Variants in SPAG16 observed in about 807,000 individuals in gnomAD.
The protein encoded by SPAG16 is sperm associated antigen 16.
Under a neutral mutation model 80.4 loss-of-function variants are expected in SPAG16, and 86 were observed. The observed-to-expected ratio is 1.07, with a 90% CI of 0.90 to 1.28. The LOEUF (loss-of-function observed/expected upper bound fraction) is 1.28. Among genes scored for constraint, SPAG16 ranks in the 50% most tolerant of loss-of-function variants. The probability of loss-of-function intolerance (pLI) is 0.00; values close to 1 mark genes in which losing one functional copy is unlikely to be tolerated. For missense variants in SPAG16, 870 were observed against 765.3 expected (o/e 1.14, Z -1.61); for synonymous variants, 294 against 265.9 (o/e 1.11, Z -1.03).
intron 11 of SPAG16, among the ~76,000 whole-genome samples, chr2:213,926,087 A>G (rs1386009003): frequency 6.6e-6 from 1 of 152,096 alleles, no homozygotes; most frequent in East Asian, 1.9e-4. Flanking sequence ...TGAATGTTAC[A>G]TCTATCTTTT....
chr2:214,284,985 T>C (rs1693246023), intron 15 of SPAG16, among the ~76,000 whole-genome samples: 1 of 152,212 alleles, frequency 6.6e-6, no homozygotes, highest in Non-Finnish European at 1.5e-5. Context: ...TCTTTGGATT[T>C]ATCCCCAAAA....
At chr2:213,346,869 G>A (rs1391811751) in intron 6 of SPAG16, among the ~76,000 whole-genome samples, 2 of 151,910 alleles carry the variant, frequency 1.3e-5, no homozygotes, top group Non-Finnish European at 2.9e-5. Context: ...TCTCTGCCAG[G>A]CTTTGGTATC....
At position 214,409,911 on chromosome 2, in the gene SPAG16, A is replaced by G. The variant is rs149026659; in HGVS notation, c.1721-229A>G. On this transcript the variant is annotated intron_variant, in intron 15 of 15. Coordinates refer to ENST00000331683, the MANE Select transcript of SPAG16 (RefSeq NM_024532.5). Reference sequence around the variant, plus strand: ...AATCTGCATATAAAGGAGGTAGACCATTAGGCTCTATGTCCCAATTAGAAA... The same window carrying G: ...AATCTGCATATAAAGGAGGTAGACCGTTAGGCTCTATGTCCCAATTAGAAA... Among the ~76,000 whole-genome samples the G allele has an allele frequency of 5.3e-3, 805 of 152,334 alleles. 8 individuals are homozygous for G. The highest frequency in any genetic ancestry group is 0.019 in the African/African-American group (776 of 41,584).
At chr2:214,086,856 G>C (rs1576128805) in intron 13 of SPAG16, among the ~76,000 whole-genome samples, 2 of 152,072 alleles carry the variant, frequency 1.3e-5, no homozygotes, top group Non-Finnish European at 2.9e-5. Flanking sequence ...TGTACTGTAT[G>C]AGAAAAAATA....
At chr2:214,294,883 T>G (rs984427088) in intron 15 of SPAG16, among the ~76,000 whole-genome samples, 1 of 152,230 alleles carries the variant, frequency 6.6e-6, no homozygotes, top group African/African-American at 2.4e-5. Context: ...ATTTGACTCT[T>G]TAGTATGTAG....
rs77016774 is a variant in SPAG16, at chr2:213,728,337, C to T, written c.1071-134148C>T. 5.7e-3 allele frequency among the ~76,000 whole-genome samples: 865 copies of T among 152,236 alleles called. 4 individuals carry two copies. Among genetic ancestry groups the T allele is most frequent in the Non-Finnish European group, 9.8e-3 (667 of 68,030 alleles). On this transcript the variant is annotated intron_variant, in intron 10 of 15. Transcript: ENST00000331683. Reference sequence around the variant, plus strand: ...GTGTCTACTGCCTCCTTCTACCTTTCTGCAGTCAGGGGAAGAGAAACGAAA... The same window carrying T: ...GTGTCTACTGCCTCCTTCTACCTTTTTGCAGTCAGGGGAAGAGAAACGAAA...
intron 15 of SPAG16, among the ~76,000 whole-genome samples, chr2:214,330,701 A>G (rs1696855324): frequency 6.6e-6 from 1 of 152,200 alleles, no homozygotes; most frequent in Non-Finnish European, 1.5e-5. Context: ...GGAAAGGGAC[A>G]AACTCTTGAG....
chr2:213,437,299 G>A (rs2070702840), intron 9 of SPAG16, among the ~76,000 whole-genome samples: 1 of 152,118 alleles, frequency 6.6e-6, no homozygotes, highest in Non-Finnish European at 1.5e-5. Flanking sequence ...GGGACCCTGG[G>A]AAAATTAATT....
At chr2:214,356,876 A>G (rs1698840825) in intron 15 of SPAG16, among the ~76,000 whole-genome samples, 1 of 151,936 alleles carries the variant, frequency 6.6e-6, no homozygotes, top group Admixed American at 6.6e-5. Context: ...TTCTTCTTCT[A>G]TCTCATACCT....
chr2:213,418,017 G>A (rs1559112749), intron 9 of SPAG16, among the ~76,000 whole-genome samples: 1 of 151,910 alleles, frequency 6.6e-6, no homozygotes, highest in Non-Finnish European at 1.5e-5. Context: ...GAAATTACAG[G>A]CATGCTCCAT....
chr2:214,070,073 T>C (rs1471432710), intron 13 of SPAG16, among the ~76,000 whole-genome samples: 1 of 148,170 alleles, frequency 6.7e-6, no homozygotes, highest in Non-Finnish European at 1.5e-5. Context: ...CATTTTCCTC[T>C]TGGGGAATTT....
chr2:214,282,795 C>A (rs2125916385), intron 15 of SPAG16, among the ~76,000 whole-genome samples: 1 of 152,216 alleles, frequency 6.6e-6, no homozygotes, highest in South Asian at 2.1e-4. Context: ...GTGCTGGAAC[C>A]AGATTTCAAG....
intron 15 of SPAG16, among the ~76,000 whole-genome samples, chr2:214,353,963 C>T (rs1346800648): frequency 6.6e-6 from 1 of 152,024 alleles, no homozygotes; most frequent in Non-Finnish European, 1.5e-5. Flanking sequence ...AGTCTCTTCC[C>T]ATTCATGCTC....
chr2:213,431,342 A>G (rs1301565132), intron 9 of SPAG16, among the ~76,000 whole-genome samples: 2 of 152,210 alleles, frequency 1.3e-5, no homozygotes, highest in Non-Finnish European at 2.9e-5. Context: ...CACTTAAAAG[A>G]TATAGATTGG....
chr2:213,627,502 T>C (rs2062001656), intron 10 of SPAG16, among the ~76,000 whole-genome samples: 1 of 152,234 alleles, frequency 6.6e-6, no homozygotes, highest in Admixed American at 6.5e-5. Context: ...TAAAATTTGC[T>C]TCACAAAATG....
chr2:213,469,570 GTTTTTTTTTTTTTT>G lies in SPAG16; in HGVS notation c.943-20380_943-20367del, dbSNP rs34005287. Reference sequence around the variant, plus strand: ...TTGCCTTCAGCAAGCACCTCAGCAGGTTTTTTTTTTTTTTTTTTTTTTTTTTCCTGGTGGAATGA... The same window carrying G: ...TTGCCTTCAGCAAGCACCTCAGCAGGTTTTTTTTTTTTCCTGGTGGAATGA... On this transcript the variant is annotated intron_variant, in intron 9 of 15. Transcript: ENST00000331683. Among the ~76,000 whole-genome samples, 5 of 79,270 alleles carry G rather than the reference GTTTTTTTTTTTTTT, an allele frequency of 6.3e-5. No individual in the cohort carries two copies. The South Asian group carries it at 1.8e-3, about 29-fold the overall frequency. 52.0% of individuals were successfully genotyped at this position (79,270 alleles called of 152,430 possible). A position where few individuals can be genotyped will look rare whatever the true frequency, so the allele number is the denominator to read the frequency against.
chr2:213,847,456 C>T (rs776511985), intron 10 of SPAG16, among the ~76,000 whole-genome samples: 79 of 151,988 alleles, frequency 5.2e-4, no homozygotes, highest in Admixed American at 1.4e-3. Flanking sequence ...AAAGCAAGAG[C>T]AAGAGAGAAA....
At chr2:213,508,722 A>T (rs1272270684) in intron 10 of SPAG16, among the ~76,000 whole-genome samples, 6 of 152,174 alleles carry the variant, frequency 3.9e-5, no homozygotes, top group Admixed American at 3.9e-4. Flanking sequence ...AACAATGAGA[A>T]CACATGGACA....
intron 10 of SPAG16, among the ~76,000 whole-genome samples, chr2:213,644,905 G>A (rs1356368993): frequency 6.6e-6 from 1 of 152,164 alleles, no homozygotes; most frequent in Non-Finnish European, 1.5e-5. Flanking sequence ...ACTCAGCAGG[G>A]GGCAAAACCA....
Sources: allele counts gnomAD v4.1 joint callset (sites outside exome capture counted in the v4.1 genomes callset), GRCh38; gene constraint gnomAD v4.1.1; transcripts MANE v1.5; gene names NCBI Gene and HGNC (gene_info 2026-07-23, HGNC 2026-07-21).